Variants in CDH18 observed in about 807,000 individuals in gnomAD.
CDH18 encodes the protein cadherin-18.
In CDH18, 31 loss-of-function variants were observed where a neutral mutation model predicts 67.9. That is an observed-to-expected ratio of 0.46 (90% CI 0.34 to 0.62). CDH18 has a LOEUF of 0.62. CDH18 is among the 20% of genes least tolerant of loss of function. The pLI, the probability that CDH18 is intolerant of heterozygous loss-of-function variation, is 0.01. For missense variants in CDH18, 890 were observed against 975.5 expected (o/e 0.91, Z 1.17); for synonymous variants, 362 against 347.2 (o/e 1.04, Z -0.48).
intron 2 of CDH18, among the ~76,000 whole-genome samples, chr5:20,070,377 T>A (rs987105664): frequency 3.3e-5 from 5 of 152,180 alleles, no homozygotes; most frequent in Non-Finnish European, 7.3e-5. Flanking sequence ...GTAAGATTAT[T>A]GTCTGCTTTT....
At chr5:19,690,157 A>G (rs1370336591) in intron 5 of CDH18, among the ~76,000 whole-genome samples, 1 of 151,452 alleles carries the variant, frequency 6.6e-6, no homozygotes, top group East Asian at 1.9e-4. Flanking sequence ...AATTCTGGAA[A>G]TTATACAAAT....
chr5:19,567,777 A>AGATTTCTGC (rs1740681288), intron 8 of CDH18, among the ~76,000 whole-genome samples: 1 of 152,184 alleles, frequency 6.6e-6, no homozygotes, highest in African/African-American at 2.4e-5. Flanking sequence ...ATATGCTAAT[A>AGATTTCTGC]GATTTCTGCT....
At chr5:20,240,465 A>C (rs1047789378) in intron 2 of CDH18, among the ~76,000 whole-genome samples, 1 of 152,306 alleles carries the variant, frequency 6.6e-6, no homozygotes, top group African/African-American at 2.4e-5. Context: ...AAAAGTATTA[A>C]AGACCAGACT....
chr5:19,549,736 A>AG, intron 8 of CDH18, among the ~76,000 whole-genome samples: 1 of 149,322 alleles, frequency 6.7e-6, no homozygotes, highest in African/African-American at 2.5e-5. Flanking sequence ...GAAGAAAGAG[A>AG]AAGAGAGAAA....
At chr5:20,172,190 GTATATATATATATATA>G (rs70954640) in intron 2 of CDH18, among the ~76,000 whole-genome samples, 3 of 23,318 alleles carry the variant, frequency 1.3e-4, no homozygotes, top group Non-Finnish European at 2.2e-4. Context: ...AGCATTGTGT[GTATATATATATATATA>G]TATATATATA....
intron 1 of CDH18, among the ~76,000 whole-genome samples, chr5:20,358,833 T>C (rs1218900949): frequency 1.3e-5 from 2 of 152,070 alleles, no homozygotes; most frequent in Non-Finnish European, 2.9e-5. Context: ...GGTGTGATCT[T>C]ATTTTAATAT....
At chr5:19,872,055 T>C (rs1460889830) in intron 2 of CDH18, among the ~76,000 whole-genome samples, 5 of 152,192 alleles carry the variant, frequency 3.3e-5, no homozygotes. Context: ...TTTATACATA[T>C]TTCCTTAGAG....
intron 11 of CDH18, among the ~76,000 whole-genome samples, chr5:19,495,964 A>G (rs1179591579): frequency 6.6e-6 from 1 of 152,134 alleles, no homozygotes; most frequent in African/African-American, 2.4e-5. Flanking sequence ...TGGATCTACA[A>G]TTAAATTGGA....
intron 5 of CDH18, among the ~76,000 whole-genome samples, chr5:19,669,103 C>T (rs1441379026): frequency 1.4e-5 from 2 of 146,568 alleles, no homozygotes; most frequent in African/African-American, 5.0e-5. Flanking sequence ...TGTACAATCT[C>T]ACTTATATAT....
intron 12 of CDH18, among the ~76,000 whole-genome samples, chr5:19,474,071 A>G (rs1001005758): frequency 2.6e-5 from 4 of 152,172 alleles, no homozygotes; most frequent in Non-Finnish European, 5.9e-5. Flanking sequence ...TGAAATTTTA[A>G]CTCAAAAAAT....
intron 2 of CDH18, among the ~76,000 whole-genome samples, chr5:19,942,533 G>A (rs1050446873): frequency 6.6e-6 from 1 of 152,104 alleles, no homozygotes; most frequent in Admixed American, 6.6e-5. Flanking sequence ...ACAAATCCCT[G>A]GAGGGTAACT....
At chr5:19,694,213 T>C (rs1161472908) in intron 5 of CDH18, among the ~76,000 whole-genome samples, 1 of 152,140 alleles carries the variant, frequency 6.6e-6, no homozygotes, top group African/African-American at 2.4e-5. Context: ...AAATCTAATT[T>C]TTTAGGCTTT....
intron 6 of CDH18, among the ~76,000 whole-genome samples, chr5:19,605,436 A>C (rs1044416516): frequency 1.3e-5 from 2 of 151,952 alleles, no homozygotes; most frequent in Non-Finnish European, 2.9e-5. Context: ...TACTCATTTA[A>C]AGTTAATTTA....
At chr5:20,356,115 G>T (rs1741585265) in intron 1 of CDH18, among the ~76,000 whole-genome samples, 1 of 152,174 alleles carries the variant, frequency 6.6e-6, no homozygotes, top group Non-Finnish European at 1.5e-5. Flanking sequence ...AGGCTCAGTG[G>T]CTCATGCCTG....
chr5:19,580,928 T>C (rs1472150947), intron 7 of CDH18, among the ~76,000 whole-genome samples: 1 of 151,976 alleles, frequency 6.6e-6, no homozygotes, highest in Admixed American at 6.6e-5. Context: ...CATTAAAAGA[T>C]ACCTTCATCA....
chr5:19,541,805 T>A (rs1216715998), intron 9 of CDH18, among the ~76,000 whole-genome samples: 1 of 152,148 alleles, frequency 6.6e-6, no homozygotes, highest in East Asian at 1.9e-4. Flanking sequence ...CAATTCAAGA[T>A]GAGATATGGG....
chr5:20,509,317 A>C (rs914174238), intron 1 of CDH18, among the ~76,000 whole-genome samples: 1 of 151,842 alleles, frequency 6.6e-6, no homozygotes, highest in African/African-American at 2.4e-5. Flanking sequence ...TATAAGTGAG[A>C]TCATGTGGTA....
intron 5 of CDH18, among the ~76,000 whole-genome samples, chr5:19,711,218 A>G (rs1764655981): frequency 6.6e-6 from 1 of 152,056 alleles, no homozygotes; most frequent in African/African-American, 2.4e-5. Flanking sequence ...TCAAAAGGAA[A>G]TGCAACAAAA....
chr5:20,535,535 A>G (rs143080742), intron 1 of CDH18, among the ~76,000 whole-genome samples: 1 of 152,120 alleles, frequency 6.6e-6, no homozygotes, highest in South Asian at 2.1e-4. Flanking sequence ...AACATAATCT[A>G]TACCAGGAAT....
Sources: allele counts gnomAD v4.1 joint callset (sites outside exome capture counted in the v4.1 genomes callset), GRCh38; gene constraint gnomAD v4.1.1; transcripts MANE v1.5; gene names NCBI Gene and HGNC (gene_info 2026-07-23, HGNC 2026-07-21).